IQGAP2: variants seen among roughly 807,000 people sequenced by gnomAD.
The protein encoded by IQGAP2 is ras GTPase-activating-like protein IQGAP2.
Under a neutral mutation model 201.3 loss-of-function variants are expected in IQGAP2, and 173 were observed. That is an observed-to-expected ratio of 0.86 (90% confidence interval 0.76 to 0.98). IQGAP2 has a LOEUF of 0.98. Ranked by LOEUF, IQGAP2 falls within the 50% of genes least tolerant of loss-of-function variation. IQGAP2 has a pLI of 0.00. For missense variants in IQGAP2, 1,687 were observed against 1,864.8 expected (o/e 0.90, Z 1.76); for synonymous variants, 675 against 673.9 (o/e 1.00, Z -0.03).
At chr5:76,560,948 T>A (rs7710523) in intron 2 of IQGAP2, among the ~76,000 whole-genome samples, 45,119 of 152,040 alleles carry the variant, frequency 0.3, 6,842 homozygotes, top group South Asian at 0.51. Context: ...TAGAAAGAGA[T>A]TAACAACAGT....
rs541888821 is a variant in IQGAP2, at chr5:76,537,618, A to G, written c.147-24778A>G. On this transcript the variant is annotated intron_variant, in intron 2 of 35. Transcript: ENST00000274364. ...ATTGACTTAGTTTTTCTATTATAATATCCTATCACAATGCTGGATTTTAAT... is the reference window on the plus strand; with the variant it reads ...ATTGACTTAGTTTTTCTATTATAATGTCCTATCACAATGCTGGATTTTAAT... 1.4e-4 allele frequency among the ~76,000 whole-genome samples: 22 copies of G among 152,194 alleles called. 1 individual carries two copies. The South Asian group carries it at 4.4e-3, about 30-fold the overall frequency.
At position 76,701,093 on chromosome 5, in the gene IQGAP2, T is replaced by C. The variant is rs769499583; in HGVS notation, c.4385T>C (p.Ile1462Thr). The change falls in exon 34 of 36, where the codon ATT becomes ACT. Residue 1462 changes from isoleucine to threonine, a missense_variant. Ile to Thr is a moderately conservative substitution (Grantham distance 89). Transcript: ENST00000274364. ...NLKRKNTRRS[I>T]KLDGKGEPKG... is the part of the protein sequence containing the mutation. Reference sequence around the variant, plus strand: ...TTTGTCAGAAATACTCGGAGATCAATTAAACTAGATGGAAAAGGAGAACCC... The same window carrying C: ...TTTGTCAGAAATACTCGGAGATCAACTAAACTAGATGGAAAAGGAGAACCC... The C allele has an allele frequency of 1.9e-6, 3 of 1,614,012 alleles. No homozygotes were observed. Among genetic ancestry groups the C allele is most frequent in the African/African-American group, 1.3e-5 (1 of 74,910 alleles).
At chr5:76,525,369 ATT>A (rs1355196112) in intron 2 of IQGAP2, among the ~76,000 whole-genome samples, 1 of 152,212 alleles carries the variant, frequency 6.6e-6, no homozygotes, top group Non-Finnish European at 1.5e-5. Flanking sequence ...CTTAAAGCTA[ATT>A]TAGGACTTAA....
intron 3 of IQGAP2, among the ~76,000 whole-genome samples, chr5:76,566,682 G>C (rs183866916): frequency 6.6e-6 from 1 of 152,266 alleles, no homozygotes; most frequent in Admixed American, 6.5e-5. Context: ...ACAGAGTCCA[G>C]TGAGGGGATA....
chr5:76,699,867 C>CTATATA (rs1747181542), intron 33 of IQGAP2, among the ~76,000 whole-genome samples: 4 of 108,892 alleles, frequency 3.7e-5, no homozygotes, highest in African/African-American at 1.1e-4. Flanking sequence ...CTCTCTCTCT[C>CTATATA]CATATATAGT....
intron 1 of IQGAP2, among the ~76,000 whole-genome samples, chr5:76,432,128 C>CTTTTTTTTTTTTTTTTTTTT (rs70982606): frequency 1.7e-4 from 16 of 95,318 alleles, no homozygotes; most frequent in South Asian, 3.9e-4. Context: ...TTTCTTTCTT[C>CTTTTTTTTTTTTTTTTTTTT]TTTTTTTTTT....
At chr5:76,642,734 A>G (rs1580701678) in intron 17 of IQGAP2, among the ~76,000 whole-genome samples, 2 of 152,190 alleles carry the variant, frequency 1.3e-5, no homozygotes, top group East Asian at 1.9e-4. Flanking sequence ...CCCCCCAGAC[A>G]CAGTAGTCTT....
chr5:76,458,950 G>A (rs1019766841), intron 1 of IQGAP2, among the ~76,000 whole-genome samples: 3 of 152,052 alleles, frequency 2.0e-5, no homozygotes, highest in Non-Finnish European at 4.4e-5. Flanking sequence ...ACACAAATAC[G>A]TCTTCTAGGA....
intron 2 of IQGAP2, among the ~76,000 whole-genome samples, chr5:76,523,594 G>A (rs1413587807): frequency 1.3e-5 from 2 of 152,164 alleles, no homozygotes; most frequent in Admixed American, 6.5e-5. Flanking sequence ...AGTGTGTGGA[G>A]GAATTTCTAA....
rs111297649 is a variant in IQGAP2, at chr5:76,584,376, A to G, written c.459-4530A>G. Among the ~76,000 whole-genome samples, 5 of 152,224 alleles carry G rather than the reference A, an allele frequency of 3.3e-5. No individual in the cohort carries two copies. In the South Asian group the frequency reaches 1.0e-3, roughly 32 times the overall value. ...TAAAAATGCCATCTACTAACCAGAA[A>G]TTTGAACAACCCCTAACATGAAGTA... On this transcript the variant is annotated intron_variant, in intron 5 of 35. Coordinates refer to ENST00000274364, the MANE Select transcript of IQGAP2 (RefSeq NM_006633.5).
In IQGAP2 at chr5:76,677,329, A is replaced by G. The variant is rs1744910464; in HGVS notation, c.3639A>G (p.Glu1213=). ...VSKPVIYISI[E]EIISTHSLLL... is the part of the protein sequence containing the mutation. ...AACCAGTCATTTATATTTCAATTGA[A>G]GAAATCATCAGCACACACTCAGTAA... The change falls in exon 28 of 36, where the codon GAA becomes GAG. Residue 1213 remains glutamate, a synonymous_variant. Coordinates refer to ENST00000274364, the MANE Select transcript of IQGAP2 (RefSeq NM_006633.5). 2 of 1,613,972 alleles carry G rather than the reference A, an allele frequency of 1.2e-6. No individual in the cohort carries two copies. The highest frequency in any genetic ancestry group is 2.7e-5 in the African/African-American group (2 of 75,048).
At chr5:76,652,959 G>A in intron 18 of IQGAP2, 126 bp downstream of exon 18, 2 of 660,026 alleles carry the variant, frequency 3.0e-6, no homozygotes, top group East Asian at 2.7e-5. Flanking sequence ...AGGCAGTACT[G>A]GATTTGAATC....
rs573638562 is a variant in IQGAP2, at chr5:76,667,063, A to G, written c.2680-1618A>G. Reference sequence around the variant, plus strand: ...CACACCTGACCTAGCAAAAATTCTTAACCAAAGCCGCAGTCAGCTAGTATA... The same window carrying G: ...CACACCTGACCTAGCAAAAATTCTTGACCAAAGCCGCAGTCAGCTAGTATA... On this transcript the variant is annotated intron_variant, in intron 22 of 35. Coordinates refer to ENST00000274364, the MANE Select transcript of IQGAP2 (RefSeq NM_006633.5). Among the ~76,000 whole-genome samples, 18 of 152,274 alleles carry G rather than the reference A, an allele frequency of 1.2e-4. No homozygotes were observed. In the South Asian group the frequency reaches 3.3e-3, roughly 28 times the overall value.
At chr5:76,662,330 T>C (rs1011820035) in intron 21 of IQGAP2, among the ~76,000 whole-genome samples, 1 of 152,144 alleles carries the variant, frequency 6.6e-6, no homozygotes, top group Admixed American at 6.5e-5. Flanking sequence ...CCTCTCATTA[T>C]CCTGCCTTCA....
At chr5:76,534,599 T>C (rs1759512378) in intron 2 of IQGAP2, among the ~76,000 whole-genome samples, 1 of 152,258 alleles carries the variant, frequency 6.6e-6, no homozygotes, top group South Asian at 2.1e-4. Context: ...GATTTATTTA[T>C]CCTCATTAAT....
At chr5:76,610,394 C>T (rs984408537) in intron 12 of IQGAP2, among the ~76,000 whole-genome samples, 3 of 151,648 alleles carry the variant, frequency 2.0e-5, no homozygotes, top group Admixed American at 1.3e-4. Flanking sequence ...TACCACTTCA[C>T]ACCCACTAGG....
At chr5:76,609,272 G>A (rs1290245248) in intron 12 of IQGAP2, 2 of 1,529,216 alleles carry the variant, frequency 1.3e-6, no homozygotes, top group African/African-American at 1.4e-5. Flanking sequence ...CCAGAGAATG[G>A]CACTAAATAT....
intron 2 of IQGAP2, among the ~76,000 whole-genome samples, chr5:76,517,256 AC>A (rs1561432614): frequency 1.3e-5 from 2 of 152,170 alleles, no homozygotes; most frequent in African/African-American, 2.4e-5. Context: ...ACGTGCACAC[AC>A]ATGTAAATAT....
At chr5:76,697,894 C>T in intron 32 of IQGAP2, 93 bp from the exon 33 acceptor site, 3 of 917,536 alleles carry the variant, frequency 3.3e-6, no homozygotes, top group Non-Finnish European at 5.0e-6. Flanking sequence ...CAAATAGCGA[C>T]TTACTACTGC....
Sources: gnomAD v4.1 joint callset for allele counts (sites outside exome capture counted in the v4.1 genomes callset) on GRCh38, gnomAD v4.1.1 for gene constraint, MANE v1.5 for transcripts, NCBI Gene and HGNC (gene_info 2026-07-23, HGNC 2026-07-21) for gene names.